Variants in LRP1B observed in about 807,000 individuals in gnomAD.
The protein encoded by LRP1B is low-density lipoprotein receptor-related protein 1B.
In LRP1B, 217 loss-of-function variants were observed where a neutral mutation model predicts 556.6. The observed-to-expected ratio is 0.39, with a 90% CI of 0.35 to 0.44. LRP1B has a LOEUF of 0.44. LRP1B is among the 20% of genes least tolerant of loss of function. LRP1B has a pLI of 1.00. For synonymous variants in LRP1B, 2,047 were observed against 1,865.8 expected (o/e 1.10, Z -2.50); for missense variants, 5,053 against 5,620.8 (o/e 0.90, Z 3.23).
At chr2:140,881,899 G>T (rs10496857) in intron 25 of LRP1B, among the ~76,000 whole-genome samples, 8,150 of 152,066 alleles carry the variant, frequency 0.054, 228 homozygotes, top group East Asian at 0.1. Flanking sequence ...TTACTCTCAG[G>T]TTGGATATTT....
intron 66 of LRP1B, among the ~76,000 whole-genome samples, chr2:140,408,244 A>G (rs140165789): frequency 1.3e-5 from 2 of 152,068 alleles, no homozygotes; most frequent in African/African-American, 2.4e-5. Flanking sequence ...TGCTTGGGTG[A>G]TGAGTGCACT....
intron 84 of LRP1B, among the ~76,000 whole-genome samples, chr2:140,278,506 T>A (rs1191088588): frequency 6.6e-6 from 1 of 152,012 alleles, no homozygotes; most frequent in Non-Finnish European, 1.5e-5. Context: ...CATGGTTCAC[T>A]TTTTATGCTT....
intron 31 of LRP1B, among the ~76,000 whole-genome samples, chr2:140,836,932 G>A (rs1200834672): frequency 6.6e-6 from 1 of 152,132 alleles, no homozygotes; most frequent in East Asian, 1.9e-4. Context: ...GCAGTACAGA[G>A]TTAAATCCCC....
Position 140,330,791 on chromosome 2 carries a change from A to T in LRP1B, c.12223+3662T>A, listed in dbSNP as rs1191587165. ...ATCAGAGTGAACAGACAACCTACAG[A>T]ATGGTAGACAATTTTTGCAATCCAC... On this transcript the variant is annotated intron_variant, in intron 79 of 90. Transcript: ENST00000389484. Among the ~76,000 whole-genome samples the T allele has an allele frequency of 2.6e-5, 4 of 152,164 alleles. No homozygotes were observed. The East Asian group carries it at 7.7e-4, about 29-fold the overall frequency.
chr2:141,833,494 A>T (rs1326398315), intron 1 of LRP1B, among the ~76,000 whole-genome samples: 9 of 151,912 alleles, frequency 5.9e-5, no homozygotes, highest in African/African-American at 2.2e-4. Context: ...AAAATATTTC[A>T]GAGTAAAACA....
intron 35 of LRP1B, among the ~76,000 whole-genome samples, chr2:140,732,288 C>G (rs943476120): frequency 2.0e-5 from 3 of 151,774 alleles, no homozygotes; most frequent in African/African-American, 7.3e-5. Flanking sequence ...AATTCTGAAA[C>G]TTTTATGATA....
intron 66 of LRP1B, among the ~76,000 whole-genome samples, chr2:140,432,511 T>C (rs1685995314): frequency 6.6e-6 from 1 of 152,200 alleles, no homozygotes. Flanking sequence ...TAATAGCCAG[T>C]TATTACTGCT....
chr2:140,324,047 C>T lies in LRP1B; in HGVS notation c.12360G>A (p.Arg4120=), dbSNP rs137873952. The T allele has an allele frequency of 1.5e-3, 2,345 of 1,606,908 alleles. 5 individuals carry two copies. Among genetic ancestry groups the T allele is most frequent in the Middle Eastern group, 5.1e-3 (31 of 6,026 alleles). The change falls in exon 81 of 91, where the codon AGG becomes AGA. Residue 4120 remains arginine (R), a synonymous_variant. Coordinates refer to ENST00000389484, the MANE Select transcript of LRP1B (RefSeq NM_018557.3). The stretch of plus-strand genomic sequence containing the variant: ...ATATATAATCTTCAAAGATATCGAT[C>T]CTATGTGGATGTAATAAACCTGGAA... ...SSKQGLLHPH[R]IDIFEDYIYG... is the part of the protein sequence containing the mutation.
chr2:140,294,395 G>T (rs930838647), intron 84 of LRP1B, among the ~76,000 whole-genome samples: 2 of 152,028 alleles, frequency 1.3e-5, no homozygotes, highest in Non-Finnish European at 2.9e-5. Context: ...GTGATTCTTT[G>T]TTCCTTTGTT....
chr2:140,304,693 C>T (rs1338978946), intron 83 of LRP1B, among the ~76,000 whole-genome samples: 3 of 152,096 alleles, frequency 2.0e-5, no homozygotes, highest in Non-Finnish European at 2.9e-5. Context: ...GCTTTTGTTG[C>T]CATTGCTTTT....
chr2:140,948,188 T>C (rs947674890), intron 20 of LRP1B, among the ~76,000 whole-genome samples: 1 of 152,146 alleles, frequency 6.6e-6, no homozygotes, highest in African/African-American at 2.4e-5. Context: ...AAATTAACTT[T>C]AGGGCAATTT....
intron 31 of LRP1B, among the ~76,000 whole-genome samples, chr2:140,830,859 A>G (rs1041532980): frequency 1.3e-5 from 2 of 152,122 alleles, no homozygotes; most frequent in African/African-American, 2.4e-5. Context: ...AACAAATTCA[A>G]TAATGTTGCC....
At chr2:140,578,589 C>T (rs189309599) in intron 43 of LRP1B, among the ~76,000 whole-genome samples, 214 of 152,324 alleles carry the variant, frequency 1.4e-3, no homozygotes, top group Non-Finnish European at 2.5e-3. Flanking sequence ...AACTCCCTCA[C>T]TTTCTTCAAA....
chr2:141,379,083 G>A (rs1243493493), intron 3 of LRP1B, among the ~76,000 whole-genome samples: 1 of 152,184 alleles, frequency 6.6e-6, no homozygotes, highest in East Asian at 1.9e-4. Context: ...ATTGTCAATA[G>A]CCAGAAAGAA....
intron 60 of LRP1B, among the ~76,000 whole-genome samples, chr2:140,460,158 A>G (rs1687258682): frequency 1.3e-5 from 2 of 152,140 alleles, no homozygotes; most frequent in Admixed American, 1.3e-4. Flanking sequence ...ACTAGTAAAT[A>G]AAAGTACTGG....
chr2:141,422,110 G>A (rs577087807), intron 3 of LRP1B, among the ~76,000 whole-genome samples: 1 of 152,268 alleles, frequency 6.6e-6, no homozygotes, highest in East Asian at 1.9e-4. Context: ...CTGTGACTCA[G>A]TGACCCAACT....
At chr2:140,549,195 G>T (rs1237352812) in intron 43 of LRP1B, among the ~76,000 whole-genome samples, 2 of 152,046 alleles carry the variant, frequency 1.3e-5, no homozygotes, top group African/African-American at 4.8e-5. Flanking sequence ...CACTAGGTCA[G>T]GTATTGACCC....
chr2:140,289,378 C>A lies in LRP1B; in HGVS notation c.12967+8430G>T, dbSNP rs559312780. Among the ~76,000 whole-genome samples, 15 of 151,882 alleles carry A rather than the reference C, an allele frequency of 9.9e-5. 1 individual carries two copies. The South Asian group carries it at 2.9e-3, about 29-fold the overall frequency. On this transcript the variant is annotated intron_variant, in intron 84 of 90. Transcript: ENST00000389484. ...CAAAGTTATACAAGCCAAGTGTCTT[C>A]AAAAAACTTTTATACTGATAAATCC... is the stretch of plus-strand genomic sequence containing the variant.
At chr2:141,882,843 G>GCCTCTCAAA (rs1698996880) in intron 1 of LRP1B, among the ~76,000 whole-genome samples, 1 of 152,110 alleles carries the variant, frequency 6.6e-6, no homozygotes, top group Non-Finnish European at 1.5e-5. Context: ...AAAGTGCAGG[G>GCCTCTCAAA]GTTATAGGCA....
Sources: gnomAD v4.1 joint callset for allele counts (sites outside exome capture counted in the v4.1 genomes callset) on GRCh38, gnomAD v4.1.1 for gene constraint, MANE v1.5 for transcripts, NCBI Gene and HGNC (gene_info 2026-07-23, HGNC 2026-07-21) for gene names.